The following CYLC2 variants were observed in gnomAD, a reference collection of about 807,000 sequenced individuals.
The protein encoded by CYLC2 is cylicin 2.
Under a neutral mutation model 26.1 loss-of-function variants are expected in CYLC2, and 30 were observed. That is an observed-to-expected ratio of 1.15 (90% CI 0.86 to 1.56). CYLC2 has a LOEUF of 1.56. CYLC2 is among the 40% of genes most tolerant of loss of function. The probability of loss-of-function intolerance (pLI) is 0.00; values close to 1 mark genes in which losing one functional copy is unlikely to be tolerated. For missense variants in CYLC2, 498 were observed against 394.4 expected, an observed-to-expected ratio of 1.26 and a Z score of -2.23; for synonymous variants, 158 against 132.8, an observed-to-expected ratio of 1.19 and a Z score of -1.31.
intron 6 of CYLC2, among the ~76,000 whole-genome samples, chr9:103,015,125 CGTG>C (rs1245454296): frequency 1.1e-3 from 13 of 11,648 alleles, no homozygotes; most frequent in African/African-American, 1.2e-3. Context: ...ATGTATATCA[CGTG>C]ATATACATAA....
chr9:103,004,911 G>T lies in CYLC2; in HGVS notation c.338-58G>T, dbSNP rs1419907857. 15 of 1,573,274 alleles carry T rather than the reference G, an allele frequency of 9.5e-6. 1 individual carries two copies. Among genetic ancestry groups the T allele is most frequent in the Non-Finnish European group, 1.1e-5 (13 of 1,166,068 alleles). On this transcript the variant is annotated intron_variant, in intron 4 of 7. Transcript: ENST00000374798. ...TAATTTTCTGATTAGATTTCTATTA[G>T]AATTTTATCAAGTTTGGATTTTCCC... is the stretch of plus-strand genomic sequence containing the variant.
intron 1 of CYLC2, among the ~76,000 whole-genome samples, chr9:102,996,108 G>A (rs752867666): frequency 6.6e-6 from 1 of 151,756 alleles, no homozygotes; most frequent in Non-Finnish European, 1.5e-5. Context: ...TAATTTAGCA[G>A]TATTGTTAAA....
At chr9:103,011,573 G>A (rs767324660) in intron 5 of CYLC2, among the ~76,000 whole-genome samples, 1 of 152,028 alleles carries the variant, frequency 6.6e-6, no homozygotes, top group Non-Finnish European at 1.5e-5. Flanking sequence ...AAATGGGGGA[G>A]GGAGTGATGG....
chr9:103,015,297 A>G (rs1214565808), intron 6 of CYLC2, among the ~76,000 whole-genome samples: 1 of 130,360 alleles, frequency 7.7e-6, no homozygotes, highest in Non-Finnish European at 1.6e-5. Flanking sequence ...ATATAATTAT[A>G]TGTTATAATA....
chr9:103,013,198 T>TATTATATATAAC (rs1829430919), intron 6 of CYLC2, among the ~76,000 whole-genome samples: 1 of 27,554 alleles, frequency 3.6e-5, no homozygotes, highest in Non-Finnish European at 7.7e-5. Flanking sequence ...ATATATAACA[T>TATTATATATAAC]ATTAATGTTA....
intron 6 of CYLC2, among the ~76,000 whole-genome samples, chr9:103,014,281 A>C (rs1829461094): frequency 7.6e-6 from 1 of 131,278 alleles, no homozygotes; most frequent in Non-Finnish European, 1.5e-5. Context: ...AATATATTAC[A>C]TAGTATACAT....
chr9:103,009,477 T>C (rs1184433764), intron 5 of CYLC2, among the ~76,000 whole-genome samples: 1 of 152,116 alleles, frequency 6.6e-6, no homozygotes, highest in African/African-American at 2.4e-5. Flanking sequence ...GTGCTTGGAT[T>C]ACAGGAATGG....
chr9:103,003,021 G>A, intron 2 of CYLC2, 121 bp from the exon 3 acceptor site: 1 of 1,114,016 alleles, frequency 9.0e-7, no homozygotes, highest in Non-Finnish European at 1.3e-6. Flanking sequence ...CCAAATAAAT[G>A]AAGTCATAAT....
intron 1 of CYLC2, among the ~76,000 whole-genome samples, chr9:102,997,000 A>G (rs1829244400): frequency 6.6e-6 from 1 of 151,846 alleles, no homozygotes; most frequent in Non-Finnish European, 1.5e-5. Flanking sequence ...AAATATATGA[A>G]CATTTAAAAT....
In CYLC2 at chr9:103,003,273, GGAAA is replaced by G; in HGVS notation, c.180+13_180+16del. ...GGACAACACGGTTTCTGTAAGCATTGGAAAGATTTTATAATTATCAGTAATAAGT... is the reference window on the plus strand; with the variant it reads ...GGACAACACGGTTTCTGTAAGCATTGGATTTTATAATTATCAGTAATAAGT... On this transcript the variant is annotated intron_variant, in intron 3 of 7. Coordinates refer to ENST00000374798, the MANE Select transcript of CYLC2 (RefSeq NM_001340.5). 1.2e-6 allele frequency: 2 copies of G among 1,603,466 alleles called. No individual in the cohort carries two copies. Among genetic ancestry groups the G allele is most frequent in the Non-Finnish European group, 1.7e-6 (2 of 1,174,504 alleles).
chr9:103,013,747 A>T (rs1263484003), intron 6 of CYLC2, among the ~76,000 whole-genome samples: 3 of 110,734 alleles, frequency 2.7e-5, no homozygotes, highest in African/African-American at 1.1e-4. Flanking sequence ...ATTATATATT[A>T]TATTATATAT....
At chr9:103,017,091 G>T (rs371258379) in intron 7 of CYLC2, 130 bp downstream of exon 7, 1 of 151,256 alleles carries the variant, frequency 6.6e-6, no homozygotes, top group African/African-American at 2.4e-5. Context: ...TGCAATAAAA[G>T]TCATTTGAGT....
intron 5 of CYLC2, among the ~76,000 whole-genome samples, chr9:103,008,788 T>G (rs1829377117): frequency 6.6e-6 from 1 of 152,062 alleles, no homozygotes; most frequent in African/African-American, 2.4e-5. Flanking sequence ...AACCATTATC[T>G]CTTACTTGAA....
At position 103,011,947 on chromosome 9, in the gene CYLC2, C is replaced by CTTTTTTTT. The variant is rs776460013; in HGVS notation, c.*701-15_*701-8dup. The CTTTTTTTT allele has an allele frequency of 1.4e-3, 91 of 64,126 alleles. 3 individuals are homozygous for CTTTTTTTT. Among genetic ancestry groups the CTTTTTTTT allele is most frequent in the African/African-American group, 1.8e-3 (30 of 16,492 alleles). 4.0% of individuals were successfully genotyped at this position (64,126 alleles called of 1,614,324 possible). A position where few individuals can be genotyped will look rare whatever the true frequency, so the allele number is the denominator to read the frequency against. ...AACTTGCTAATACTTAGATCATTCT[C>CTTTTTTTT]TTTTTTTTTTTTTTTTTTTTTTTTT... On this transcript the variant is annotated intron_variant, in intron 5 of 7. Transcript: ENST00000374798.
intron 6 of CYLC2, among the ~76,000 whole-genome samples, chr9:103,012,810 C>G (rs762520394): frequency 6.6e-6 from 1 of 151,026 alleles, no homozygotes; most frequent in Non-Finnish European, 1.5e-5. Context: ...TTATTGGATG[C>G]AAAAGAAAAT....
intron 6 of CYLC2, among the ~76,000 whole-genome samples, chr9:103,013,702 A>C (rs1406797578): frequency 9.0e-6 from 1 of 110,920 alleles, no homozygotes; most frequent in Non-Finnish European, 1.6e-5. Context: ...TATCCTGTAC[A>C]TTATATATTA....
At chr9:103,014,872 T>G (rs1176256221) in intron 6 of CYLC2, among the ~76,000 whole-genome samples, 1 of 132,274 alleles carries the variant, frequency 7.6e-6, no homozygotes, top group Non-Finnish European at 1.6e-5. Flanking sequence ...ATATATGTAA[T>G]ATACTATGTA....
At chr9:102,998,996 C>CT (rs1829262959) in intron 1 of CYLC2, among the ~76,000 whole-genome samples, 1 of 151,872 alleles carries the variant, frequency 6.6e-6, no homozygotes, top group African/African-American at 2.4e-5. Flanking sequence ...ACATAGCACA[C>CT]TTAGTTTATC....
chr9:103,011,373 A>T (rs947330591), intron 5 of CYLC2, among the ~76,000 whole-genome samples: 2 of 152,114 alleles, frequency 1.3e-5, no homozygotes, highest in Non-Finnish European at 2.9e-5. Flanking sequence ...TTTCATAAAA[A>T]ATGTTTTATA....
Sources: allele counts gnomAD v4.1 joint callset (sites outside exome capture counted in the v4.1 genomes callset), GRCh38; gene constraint gnomAD v4.1.1; transcripts MANE v1.5; gene names NCBI Gene and HGNC (gene_info 2026-07-23, HGNC 2026-07-21).